Variants in SMAD2 observed in about 807,000 individuals in gnomAD.
SMAD2 encodes the protein MAD homolog 2.
In SMAD2, 8 loss-of-function variants were observed where a neutral mutation model predicts 64.4. The ratio of observed to expected loss-of-function variants is 0.12; its 90% CI spans 0.07 to 0.22. The LOEUF (loss-of-function observed/expected upper bound fraction) is 0.22. SMAD2 is among the 10% of genes least tolerant of loss of function. The pLI, the probability that SMAD2 is intolerant of heterozygous loss-of-function variation, is 1.00. For synonymous variants in SMAD2, 203 were observed against 195.8 expected, an observed-to-expected ratio of 1.04 and a Z score of -0.31; for missense variants, 289 against 561.2, an observed-to-expected ratio of 0.51 and a Z score of 4.90.
chr18:47,880,735 T>G (rs2032538197), intron 2 of SMAD2, among the ~76,000 whole-genome samples: 2 of 152,206 alleles, frequency 1.3e-5, no homozygotes, highest in South Asian at 2.1e-4. Flanking sequence ...CTGATGGTAG[T>G]TAGAGGTTCT....
At chr18:47,856,978 C>T (rs979014293) in intron 6 of SMAD2, among the ~76,000 whole-genome samples, 8 of 150,648 alleles carry the variant, frequency 5.3e-5, no homozygotes, top group Admixed American at 5.3e-4. Context: ...CTGCCTCAGC[C>T]TCCCAAGTAG....
At chr18:47,842,489 G>A (rs1167980479) in intron 10 of SMAD2, among the ~76,000 whole-genome samples, 22 of 152,120 alleles carry the variant, frequency 1.4e-4, no homozygotes, top group Admixed American at 8.5e-4. Context: ...GCAGTGAGCC[G>A]AGATCATGCC....
chr18:47,885,589 T>C (rs2144433829), intron 2 of SMAD2, among the ~76,000 whole-genome samples: 1 of 152,324 alleles, frequency 6.6e-6, no homozygotes, highest in African/African-American at 2.4e-5. Flanking sequence ...GAATACATGG[T>C]TGGTCTCTGT....
chr18:47,920,425 G>T (rs1203279870), intron 1 of SMAD2, among the ~76,000 whole-genome samples: 1 of 152,164 alleles, frequency 6.6e-6, no homozygotes, highest in African/African-American at 2.4e-5. Context: ...TGTACTGTTA[G>T]AAAATTGGTG....
At chr18:47,873,501 C>G (rs558908574) in intron 2 of SMAD2, among the ~76,000 whole-genome samples, 21 of 152,164 alleles carry the variant, frequency 1.4e-4, no homozygotes, top group African/African-American at 4.6e-4. Flanking sequence ...AAAATTCTAA[C>G]AAATAGTAAA....
intron 10 of SMAD2, among the ~76,000 whole-genome samples, chr18:47,842,224 TGAGA>T (rs972092188): frequency 3.9e-5 from 6 of 152,054 alleles, no homozygotes; most frequent in African/African-American, 7.2e-5. Context: ...ATGGAACACC[TGAGA>T]GAGAATGTAG....
chr18:47,928,507 A>G (rs551718517), intron 1 of SMAD2, among the ~76,000 whole-genome samples: 45 of 152,334 alleles, frequency 3.0e-4, no homozygotes, highest in African/African-American at 1.1e-3. Context: ...GTTCCTACTA[A>G]AGTTCTGTTG....
At chr18:47,882,145 C>CA (rs1215287300) in intron 2 of SMAD2, among the ~76,000 whole-genome samples, 1 of 149,174 alleles carries the variant, frequency 6.7e-6, no homozygotes, top group Non-Finnish European at 1.5e-5. Flanking sequence ...GTTGGCCTCC[C>CA]AAAGTGCTGG....
chr18:47,900,571 T>A (rs1201911881), intron 1 of SMAD2, among the ~76,000 whole-genome samples: 1 of 152,188 alleles, frequency 6.6e-6, no homozygotes, highest in East Asian at 1.9e-4. Flanking sequence ...AACTTTTTCT[T>A]AGCTTTGTCA....
rs1381060998 is a variant in SMAD2 at position 47,819,483 on chromosome 18, G to GTT, written c.*22342_*22343dup. 1 of 152,190 alleles carries GTT rather than the reference G, an allele frequency of 6.6e-6. No homozygotes were observed. Among genetic ancestry groups the GTT allele is most frequent in the Non-Finnish European group, 1.5e-5 (1 of 68,050 alleles). 9.4% of individuals were successfully genotyped at this position (152,190 alleles called of 1,614,324 possible). ...ATGACTAGCTATGTCTAATATCTCAGTTTTTATAAGTAATCTAGGAATAAT... is the reference window on the plus strand; with the variant it reads ...ATGACTAGCTATGTCTAATATCTCAGTTTTTTTATAAGTAATCTAGGAATAAT... On this transcript the variant is annotated 3_prime_UTR_variant, in exon 11 of 11. Coordinates refer to ENST00000262160, the MANE Select transcript of SMAD2 (RefSeq NM_005901.6).
intron 1 of SMAD2, among the ~76,000 whole-genome samples, chr18:47,921,817 A>G (rs1038229356): frequency 6.6e-6 from 1 of 152,184 alleles, no homozygotes; most frequent in Non-Finnish European, 1.5e-5. Flanking sequence ...TTTCTCTCTC[A>G]AGATCAACTG....
At chr18:47,852,038 TA>T (rs1052083498) in intron 6 of SMAD2, among the ~76,000 whole-genome samples, 2 of 152,332 alleles carry the variant, frequency 1.3e-5, no homozygotes. Context: ...TTATTGCTTC[TA>T]GATGAAAACA....
chr18:47,815,265 A>C lies in SMAD2; in HGVS notation c.*26562T>G, dbSNP rs1001056007. 3.3e-5 allele frequency: 5 copies of C among 152,240 alleles called. No individual in the cohort carries two copies. Among genetic ancestry groups the C allele is most frequent in the Non-Finnish European group, 5.9e-5 (4 of 68,038 alleles). 9.4% of individuals were successfully genotyped at this position (152,240 alleles called of 1,614,324 possible). The stretch of plus-strand genomic sequence containing the variant: ...TTTAAGGCCATCCACCTCGTCCCAC[A>C]CCTTCCCAAAACCAGATGGGATGCA... On this transcript the variant is annotated 3_prime_UTR_variant, in exon 11 of 11. Transcript: ENST00000262160.
At chr18:47,889,084 G>C (rs1469715653) in intron 2 of SMAD2, among the ~76,000 whole-genome samples, 1 of 151,566 alleles carries the variant, frequency 6.6e-6, no homozygotes, top group Non-Finnish European at 1.5e-5. Context: ...TAGATCAACA[G>C]AAAATATCTA....
intron 1 of SMAD2, among the ~76,000 whole-genome samples, chr18:47,904,371 G>A (rs2033820034): frequency 1.3e-5 from 2 of 151,600 alleles, no homozygotes; most frequent in South Asian, 4.2e-4. Flanking sequence ...CTGAGTTGGG[G>A]GATTTGTGGA....
rs1037337357 is a variant in SMAD2, at chr18:47,837,884, A to G, written c.*3943T>C. On this transcript the variant is annotated 3_prime_UTR_variant, in exon 11 of 11. Transcript: ENST00000262160. Reference sequence around the variant, plus strand: ...TAAAGTAAAGACTGTACATGAAGACATATTTTATGTACAGTGAAGATTGTC... The same window carrying G: ...TAAAGTAAAGACTGTACATGAAGACGTATTTTATGTACAGTGAAGATTGTC... 1 of 232,766 alleles carries G rather than the reference A, an allele frequency of 4.3e-6. No individual in the cohort carries two copies. The highest frequency in any genetic ancestry group is 8.5e-6 in the Non-Finnish European group (1 of 117,634). 14.4% of individuals were successfully genotyped at this position (232,766 alleles called of 1,614,324 possible). A position where few individuals can be genotyped will look rare whatever the true frequency, so the allele number is the denominator to read the frequency against.
chr18:47,917,945 G>A (rs1441250776), intron 1 of SMAD2, among the ~76,000 whole-genome samples: 1 of 152,160 alleles, frequency 6.6e-6, no homozygotes, highest in African/African-American at 2.4e-5. Context: ...GAAAATGGGT[G>A]AGCAGTAATT....
intron 3 of SMAD2, among the ~76,000 whole-genome samples, chr18:47,870,154 G>A (rs1161078187): frequency 6.6e-6 from 1 of 152,082 alleles, no homozygotes; most frequent in Non-Finnish European, 1.5e-5. Context: ...AACTCATCAT[G>A]TATCTACTTA....
At chr18:47,902,555 T>C (rs1053485421) in intron 1 of SMAD2, among the ~76,000 whole-genome samples, 7 of 152,310 alleles carry the variant, frequency 4.6e-5, no homozygotes, top group African/African-American at 1.2e-4. Context: ...TAGAGAAACG[T>C]AGCCCTGAGA....
Sources: gnomAD v4.1 joint callset for allele counts (sites outside exome capture counted in the v4.1 genomes callset) on GRCh38, gnomAD v4.1.1 for gene constraint, MANE v1.5 for transcripts, NCBI Gene and HGNC (gene_info 2026-07-23, HGNC 2026-07-21) for gene names.